The following ERG variants were observed in gnomAD, a reference collection of about 807,000 sequenced individuals.
ERG encodes the protein ETS transcription factor ERG, also known as transcriptional regulator ERG.
In ERG, 9 loss-of-function variants were observed where a neutral mutation model predicts 55.3. The observed-to-expected ratio is 0.16, with a 90% CI of 0.10 to 0.28. The LOEUF (loss-of-function observed/expected upper bound fraction) is 0.28, where lower values mean the gene tolerates loss of function less well. ERG is among the 10% of genes least tolerant of loss of function. The pLI is 1.00. For synonymous variants in ERG, 223 were observed against 237.3 expected (o/e 0.94, Z 0.55); for missense variants, 434 against 631.6 (o/e 0.69, Z 3.35).
Position 38,382,682 on chromosome 21 carries a change from C to G in ERG, c.*721G>C, listed in dbSNP as rs964628922. 7 of 1,067,116 alleles carry G rather than the reference C, an allele frequency of 6.6e-6. No homozygotes were observed. In the African/African-American group the frequency reaches 9.8e-5, roughly 15 times the overall value. 66.1% of individuals were successfully genotyped at this position (1,067,116 alleles called of 1,614,324 possible). ...CAGCCCTGGTCTCCTCCTTCTCTGCCTCTTCCTCCTCCTTCTTCACCCCTC... is the reference window on the plus strand; with the variant it reads ...CAGCCCTGGTCTCCTCCTTCTCTGCGTCTTCCTCCTCCTTCTTCACCCCTC... On this transcript the variant is annotated 3_prime_UTR_variant, in exon 10 of 10. Coordinates refer to ENST00000288319, the MANE Select transcript of ERG (RefSeq NM_182918.4).
rs567972040 is a variant in ERG at position 38,504,176 on chromosome 21, G to GA, written c.-41+71485dup. 9.6e-4 allele frequency among the ~76,000 whole-genome samples: 146 copies of GA among 152,292 alleles called. No homozygotes were observed. The Middle Eastern group carries it at 0.014, about 14-fold the overall frequency. ...GTCTCTTGGTTGATCTGAACTAATA[G>GA]AAACCAAGGAAACTGTTATCACATA... On this transcript the variant is annotated intron_variant, in intron 2 of 8. Coordinates refer to the ERG transcript ENST00000398897.
At chr21:38,644,130 G>C (rs2060441887) in intron 1 of ERG, among the ~76,000 whole-genome samples, 1 of 152,162 alleles carries the variant, frequency 6.6e-6, no homozygotes, top group Non-Finnish European at 1.5e-5. Context: ...GGACACACAG[G>C]TCTGAATTGA....
At chr21:38,630,691 C>A (rs900597414) in intron 1 of ERG, among the ~76,000 whole-genome samples, 1 of 152,206 alleles carries the variant, frequency 6.6e-6, no homozygotes, top group South Asian at 2.1e-4. Flanking sequence ...ACAACCAATC[C>A]TGCATAAGTT....
intron 1 of ERG, among the ~76,000 whole-genome samples, chr21:38,493,399 CCAAA>C (rs2146681212): frequency 6.6e-6 from 1 of 152,196 alleles, no homozygotes; most frequent in South Asian, 2.1e-4. Flanking sequence ...AGATACAAGG[CCAAA>C]CAGATACACA....
At chr21:38,549,845 G>A (rs989812129) in intron 2 of ERG, among the ~76,000 whole-genome samples, 2 of 152,190 alleles carry the variant, frequency 1.3e-5, no homozygotes, top group African/African-American at 4.8e-5. Context: ...GGAAGCGAGT[G>A]AGATTGTCAC....
intron 1 of ERG, among the ~76,000 whole-genome samples, chr21:38,612,037 T>C (rs2060230520): frequency 6.6e-6 from 1 of 152,192 alleles, no homozygotes; most frequent in African/African-American, 2.4e-5. Context: ...TCAAGTCAGT[T>C]ATATGTGCTC....
At chr21:38,372,146 C>G in the ERG span, among the ~76,000 whole-genome samples, 2 of 152,012 alleles carry the variant, frequency 1.3e-5, no homozygotes, top group African/African-American at 4.8e-5. Flanking sequence ...TTCACAACAT[C>G]TTCTAATCAT....
At chr21:38,411,650 C>T (rs911704108) in intron 3 of ERG, among the ~76,000 whole-genome samples, 15 of 152,110 alleles carry the variant, frequency 9.9e-5, no homozygotes, top group Middle Eastern at 3.2e-3. Context: ...ACTCTTTTGG[C>T]GGCCTAGTGC....
intron 8 of ERG, 85 bp from the exon 9 acceptor site, chr21:38,391,127 T>C (rs769771031): frequency 7.5e-6 from 9 of 1,198,610 alleles, no homozygotes; most frequent in Non-Finnish European, 1.1e-5. Flanking sequence ...CTGACTTAAT[T>C]GTTTTTTCAG....
chr21:38,477,588 T>C (rs1262503947), intron 1 of ERG, among the ~76,000 whole-genome samples: 1 of 152,134 alleles, frequency 6.6e-6, no homozygotes, highest in East Asian at 1.9e-4. Flanking sequence ...TTCACAACAC[T>C]GAAGAGAAAT....
At chr21:38,386,748 T>C (rs1049828276) in intron 9 of ERG, among the ~76,000 whole-genome samples, 4 of 152,044 alleles carry the variant, frequency 2.6e-5, no homozygotes, top group Non-Finnish European at 5.9e-5. Context: ...TCACCACCTC[T>C]ACCTTAGGAC....
At chr21:38,540,290 T>C (rs114842948) in intron 2 of ERG, among the ~76,000 whole-genome samples, 193 of 152,276 alleles carry the variant, frequency 1.3e-3, no homozygotes, top group African/African-American at 4.5e-3. Flanking sequence ...TTCAGTAGCA[T>C]TTAATTAACA....
intron 2 of ERG, among the ~76,000 whole-genome samples, chr21:38,436,249 T>C (rs886764566): frequency 2.6e-5 from 4 of 152,028 alleles, no homozygotes; most frequent in African/African-American, 9.7e-5. Flanking sequence ...GACCCACCTA[T>C]TATTTTTAAA....
At chr21:38,576,468 C>T (rs1034796140) in intron 1 of ERG, among the ~76,000 whole-genome samples, 24 of 152,212 alleles carry the variant, frequency 1.6e-4, no homozygotes, top group Non-Finnish European at 3.4e-4. Flanking sequence ...TATCAACCCA[C>T]ATTTTGAAGG....
chr21:38,477,441 T>C (rs1330480521), intron 1 of ERG, among the ~76,000 whole-genome samples: 1 of 152,296 alleles, frequency 6.6e-6, no homozygotes, highest in African/African-American at 2.4e-5. Flanking sequence ...CGAGAAGTTA[T>C]TGGTTTTCAT....
chr21:38,578,289 C>G (rs1311776932), intron 1 of ERG, among the ~76,000 whole-genome samples: 1 of 152,148 alleles, frequency 6.6e-6, no homozygotes, highest in Non-Finnish European at 1.5e-5. Flanking sequence ...ATTGAAACAC[C>G]CTGTAAGTGC....
chr21:38,524,064 T>C (rs1262882548), intron 2 of ERG, among the ~76,000 whole-genome samples: 4 of 152,220 alleles, frequency 2.6e-5, no homozygotes, highest in Admixed American at 2.6e-4. Context: ...CTAAAAGATA[T>C]ATTTTGGAAG....
intron 1 of ERG, among the ~76,000 whole-genome samples, chr21:38,480,591 C>CTGTTTTTTTTTT (rs2059228901): frequency 2.0e-5 from 1 of 51,112 alleles, no homozygotes; most frequent in Non-Finnish European, 3.4e-5. Flanking sequence ...ACTATATGGC[C>CTGTTTTTTTTTT]TTTTTTTTTT....
chr21:38,649,264 T>C (rs768322889), intron 1 of ERG, among the ~76,000 whole-genome samples: 1 of 152,178 alleles, frequency 6.6e-6, no homozygotes, highest in Non-Finnish European at 1.5e-5. Flanking sequence ...CTGTCTCCCC[T>C]GTGGCGCTGC....
Sources: allele counts gnomAD v4.1 joint callset (sites outside exome capture counted in the v4.1 genomes callset), GRCh38; gene constraint gnomAD v4.1.1; transcripts MANE v1.5; gene names NCBI Gene and HGNC (gene_info 2026-07-23, HGNC 2026-07-21).